UGT2B7: variants seen among roughly 807,000 people sequenced by gnomAD.
UGT2B7 encodes the protein UDP-glucuronosyltransferase 2B7.
In UGT2B7, 51 loss-of-function variants were observed where a neutral mutation model predicts 51.9. The observed-to-expected ratio is 0.98, with a 90% CI of 0.78 to 1.24. The LOEUF is 1.24. UGT2B7 is among the 50% of genes most tolerant of loss of function. The pLI is 0.00. For synonymous variants in UGT2B7, 225 were observed against 211.6 expected (o/e 1.06, Z -0.55); for missense variants, 727 against 628.4 (o/e 1.16, Z -1.68).
upstream of UGT2B7, among the ~76,000 whole-genome samples, chr4:69,094,129 CTTTTTTTTTTTTTTT>C (rs71204074): frequency 1.8e-5 from 1 of 54,116 alleles, no homozygotes; most frequent in Non-Finnish European, 3.1e-5. Context: ...GTTTTGGTTT[CTTTTTTTTTTTTTTT>C]TTTTTTTTTT....
intron 2 of UGT2B7, 52 bp from the exon 3 acceptor site, chr4:69,102,755 G>A (rs375022204): frequency 5.1e-6 from 8 of 1,580,156 alleles, no homozygotes; most frequent in Non-Finnish European, 6.8e-6. Context: ...TCTTTTGGTA[G>A]TGCCCGCTGT....
Position 69,064,100 on chromosome 4 carries a change from A to AGAGAGAGAG in UGT2B7, c.-159+12498_-159+12499insGAGAGAGAG, listed in dbSNP as rs1560499772. ...AGAAAGAAAGAAAGAAAGAAAGAGA[A>AGAGAGAGAG]AGAAAGAAAGAAAAAGAAAGAAAGA... On this transcript the variant is annotated intron_variant, in intron 1 of 5. Transcript: ENST00000502942. 6.8e-4 allele frequency among the ~76,000 whole-genome samples: 71 copies of AGAGAGAGAG among 104,770 alleles called. 1 individual carries two copies. The highest frequency in any genetic ancestry group is 7.3e-4 in the Non-Finnish European group (39 of 53,578). The allele number at this position is 104,770 out of a possible 152,430, so 68.7% of individuals were successfully genotyped here.
At chr4:69,092,359 T>C (rs1247724027), upstream of UGT2B7, among the ~76,000 whole-genome samples, 2 of 152,174 alleles carry the variant, frequency 1.3e-5, no homozygotes, top group African/African-American at 4.8e-5. Context: ...TTGTCTACAG[T>C]CAGGCACTCA....
chr4:69,078,329 G>T (rs1488909612), intron 1 of UGT2B7, among the ~76,000 whole-genome samples: 1 of 152,092 alleles, frequency 6.6e-6, no homozygotes, highest in Non-Finnish European at 1.5e-5. Context: ...AGTTAGGGAG[G>T]ACTCCCTCTT....
chr4:69,106,936 A>G (rs1292143099), intron 3 of UGT2B7, among the ~76,000 whole-genome samples: 2 of 151,560 alleles, frequency 1.3e-5, no homozygotes, highest in Non-Finnish European at 2.9e-5. Flanking sequence ...AATGCTTGAA[A>G]TTTTCATTGA....
chr4:69,058,631 T>C (rs2109861143), intron 1 of UGT2B7, among the ~76,000 whole-genome samples: 1 of 152,330 alleles, frequency 6.6e-6, no homozygotes, highest in Middle Eastern at 3.4e-3. Flanking sequence ...CAGCACATGC[T>C]GAACACGGCA....
At chr4:69,055,420 A>G (rs1718163935) in intron 1 of UGT2B7, among the ~76,000 whole-genome samples, 1 of 151,656 alleles carries the variant, frequency 6.6e-6, no homozygotes, top group Non-Finnish European at 1.5e-5. Flanking sequence ...ATAATCACAA[A>G]CCCCTCAGAC....
chr4:69,105,677 A>G (rs1041450171), intron 3 of UGT2B7, among the ~76,000 whole-genome samples: 1 of 152,216 alleles, frequency 6.6e-6, no homozygotes, highest in Non-Finnish European at 1.5e-5. Context: ...ATCCAAAATT[A>G]GAAATACTGA....
At chr4:69,093,623 T>C (rs1719138878), upstream of UGT2B7, among the ~76,000 whole-genome samples, 2 of 152,228 alleles carry the variant, frequency 1.3e-5, no homozygotes, top group Admixed American at 1.3e-4. Flanking sequence ...GCTGCTCTGC[T>C]GAGACTCCAC....
In UGT2B7 at chr4:69,112,468, A is replaced by T. The variant is rs766105768; in HGVS notation, c.1322A>T (p.Asn441Ile). 6 of 1,613,486 alleles carry T rather than the reference A, an allele frequency of 3.7e-6. No individual in the cohort carries two copies. The highest frequency in any genetic ancestry group is 5.1e-6 in the Non-Finnish European group (6 of 1,179,750). ...RVINDPSYKENVMKLSRIQHD... is the reference protein window; with the variant it reads ...RVINDPSYKEIVMKLSRIQHD... The stretch of plus-strand genomic sequence containing the variant: ...TTTTTATCTTTCAGATATAAAGAGA[A>T]TGTTATGAAATTATCAAGAATTCAA... The change falls in exon 6 of 6, where the codon AAT becomes ATT. Residue 441 changes from asparagine to isoleucine, a missense_variant. By Grantham distance (149) the Asn-to-Ile change is moderately radical (BLOSUM62 -3). Transcript: ENST00000305231.
chr4:69,062,233 C>A (rs942975618), intron 1 of UGT2B7, among the ~76,000 whole-genome samples: 7 of 152,112 alleles, frequency 4.6e-5, no homozygotes, highest in African/African-American at 1.7e-4. Flanking sequence ...TGCACCCCCA[C>A]AAAACAAACC....
In UGT2B7 at chr4:69,099,017, G is replaced by T. The variant is rs188257375; in HGVS notation, c.870+329G>T. Among the ~76,000 whole-genome samples the T allele has an allele frequency of 1.7e-3, 260 of 151,992 alleles. 3 individuals are homozygous for T. The highest frequency in any genetic ancestry group is 6.9e-3 in the Admixed American group (105 of 15,230). ...GGATTAGCACAAAACACAGGTAAGT[G>T]CAGAATTTTCAGAGAAAAAAATAGA... On this transcript the variant is annotated intron_variant, in intron 2 of 5. Coordinates refer to ENST00000305231, the MANE Select transcript of UGT2B7 (RefSeq NM_001074.4).
chr4:69,108,968 T>C lies in UGT2B7; in HGVS notation c.1310+646T>C, dbSNP rs554451666. Among the ~76,000 whole-genome samples the C allele has an allele frequency of 5.3e-5, 8 of 152,220 alleles. No individual in the cohort carries two copies. The South Asian group carries it at 1.7e-3, about 32-fold the overall frequency. ...TTCTCTATAGATTATTCTCTTTAGA[T>C]ATTTCATATGAATGGAATCATACAG... On this transcript the variant is annotated intron_variant, in intron 5 of 5. Coordinates refer to ENST00000305231, the MANE Select transcript of UGT2B7 (RefSeq NM_001074.4).
chr4:69,066,806 A>G (rs1250420596), intron 1 of UGT2B7, among the ~76,000 whole-genome samples: 1 of 152,062 alleles, frequency 6.6e-6, no homozygotes, highest in Middle Eastern at 3.2e-3. Context: ...CATTACACCT[A>G]CCCTTCCTCC....
chr4:69,107,113 T>C, intron 3 of UGT2B7, 62 bp from the exon 4 acceptor site: 1 of 1,525,660 alleles, frequency 6.6e-7, no homozygotes, highest in Admixed American at 1.8e-5. Flanking sequence ...TTTATACAGT[T>C]CTCACATTCT....
At chr4:69,089,155 G>T (rs1286205180) in intron 1 of UGT2B7, among the ~76,000 whole-genome samples, 2 of 151,972 alleles carry the variant, frequency 1.3e-5, no homozygotes, top group Non-Finnish European at 2.9e-5. Flanking sequence ...CACTCCTCAA[G>T]GAATACTTTT....
intron 1 of UGT2B7, among the ~76,000 whole-genome samples, chr4:69,063,173 G>A (rs1718391439): frequency 6.6e-6 from 1 of 151,114 alleles, no homozygotes; most frequent in South Asian, 2.1e-4. Context: ...CAAAAAATTA[G>A]CCGGGCGTAG....
chr4:69,091,442 T>A (rs918783073), intron 2 of UGT2B7, among the ~76,000 whole-genome samples: 1 of 152,182 alleles, frequency 6.6e-6, no homozygotes, highest in African/African-American at 2.4e-5. Context: ...TACAGTTATA[T>A]TTCATGTATT....
Position 69,108,197 on chromosome 4 carries a change from G to A in UGT2B7, c.1185G>A (p.Leu395=), listed in dbSNP as rs150248109. The change falls in exon 5 of 6, where the codon TTG becomes TTA. Residue 395 remains leucine, a synonymous_variant. Coordinates refer to ENST00000305231, the MANE Select transcript of UGT2B7 (RefSeq NM_001074.4). ...YHGIPMVGIP[L]FADQPDNIAH... ...GGATCCCTATGGTGGGGATTCCATT[G>A]TTTGCCGATCAACCTGATAACATTG... is the stretch of plus-strand genomic sequence containing the variant. 2.2e-5 allele frequency: 36 copies of A among 1,613,810 alleles called. No homozygotes were observed. The highest frequency in any genetic ancestry group is 3.0e-5 in the Non-Finnish European group (35 of 1,179,792).
Sources: allele counts gnomAD v4.1 joint callset (sites outside exome capture counted in the v4.1 genomes callset), GRCh38; gene constraint gnomAD v4.1.1; transcripts MANE v1.5; gene names NCBI Gene and HGNC (gene_info 2026-07-23, HGNC 2026-07-21).